Variants in CTH observed in about 807,000 individuals in gnomAD.
CTH encodes the protein cystathionine gamma-lyase.
CTH carries 41 observed loss-of-function variants against 50.6 expected under a neutral mutation model. The ratio of observed to expected loss-of-function variants is 0.81; its 90% CI spans 0.63 to 1.05. CTH has a LOEUF of 1.05. Ranked by LOEUF, CTH falls within the 50% of genes least tolerant of loss-of-function variation. CTH has a pLI of 0.00. For missense variants in CTH, 470 were observed against 492.6 expected, an observed-to-expected ratio of 0.95 and a Z score of 0.43; for synonymous variants, 156 against 168.9, an observed-to-expected ratio of 0.92 and a Z score of 0.59.
At chr1:70,431,940 T>C (rs1014262292) in intron 7 of CTH, 143 bp from the exon 8 acceptor site, 4 of 794,502 alleles carry the variant, frequency 5.0e-6, no homozygotes, top group Non-Finnish European at 8.5e-6. Context: ...TGCTTCTGAT[T>C]TGATATATTA....
intron 2 of CTH, 34 bp from the exon 3 acceptor site, chr1:70,417,903 T>C (rs748568235): frequency 6.2e-7 from 1 of 1,613,280 alleles, no homozygotes; most frequent in South Asian, 1.1e-5. Flanking sequence ...TAGGCCTGAC[T>C]TTTCAGCTTA....
At position 70,439,220 on chromosome 1, in the gene CTH, C is replaced by T. The variant is rs1035474171; in HGVS notation, c.*93C>T. 9.7e-6 allele frequency: 12 copies of T among 1,234,266 alleles called. No homozygotes were observed. The highest frequency in any genetic ancestry group is 3.7e-4 in the Middle Eastern group (2 of 5,390). 76.5% of individuals were successfully genotyped at this position (1,234,266 alleles called of 1,614,324 possible). On this transcript the variant is annotated 3_prime_UTR_variant, in exon 12 of 12. Coordinates refer to ENST00000370938, the MANE Select transcript of CTH (RefSeq NM_001902.6). The stretch of plus-strand genomic sequence containing the variant: ...CAACAATGAGCCTTTGCAAAATTTT[C>T]AAGCGGAAATTTTAAGGCACCTCAT...
intron 10 of CTH, among the ~76,000 whole-genome samples, chr1:70,437,576 C>T (rs1244864943): frequency 1.3e-5 from 2 of 151,986 alleles, no homozygotes; most frequent in Non-Finnish European, 2.9e-5. Flanking sequence ...AGATTCATAC[C>T]CAAGTTTGTT....
intron 4 of CTH, 44 bp downstream of exon 4, chr1:70,421,719 T>G (rs938072821): frequency 1.3e-6 from 2 of 1,580,558 alleles, no homozygotes; most frequent in African/African-American, 2.7e-5. Context: ...TCCTTCGATG[T>G]TTTGTTTTCA....
intron 2 of CTH, among the ~76,000 whole-genome samples, chr1:70,417,285 T>C (rs1684114403): frequency 6.6e-6 from 1 of 151,612 alleles, no homozygotes; most frequent in Non-Finnish European, 1.5e-5. Flanking sequence ...AAATTTCTCT[T>C]TTCTTTCTTT....
chr1:70,416,766 T>C (rs577613420), intron 2 of CTH, among the ~76,000 whole-genome samples: 6 of 151,792 alleles, frequency 4.0e-5, no homozygotes, highest in Non-Finnish European at 7.4e-5. Context: ...GGTTTCACCA[T>C]GTTGGCCAGG....
chr1:70,429,547 A>G (rs188433269), intron 5 of CTH, among the ~76,000 whole-genome samples: 12 of 152,350 alleles, frequency 7.9e-5, no homozygotes, highest in Admixed American at 3.9e-4. Context: ...ACCTGGGCTT[A>G]TCTGCGCTTT....
At chr1:70,416,851 C>T (rs1360466682) in intron 2 of CTH, among the ~76,000 whole-genome samples, 6 of 152,116 alleles carry the variant, frequency 3.9e-5, no homozygotes, top group African/African-American at 1.4e-4. Flanking sequence ...AGTGGGCCAC[C>T]ACGCCCAGCC....
chr1:70,412,705 CT>C (rs1299343325), intron 1 of CTH, among the ~76,000 whole-genome samples: 9 of 152,154 alleles, frequency 5.9e-5, no homozygotes, highest in African/African-American at 1.9e-4. Context: ...GTTAGTTAAC[CT>C]ATCAAAACCT....
At position 70,424,369 on chromosome 1, in the gene CTH, G is replaced by A. The variant is rs748301555; in HGVS notation, c.541G>A (p.Asp181Asn). The A allele has an allele frequency of 6.2e-6, 10 of 1,613,946 alleles. No individual in the cohort carries two copies. In the East Asian group the frequency reaches 2.0e-4, roughly 32 times the overall value. ...GCAHIVHKHG[D>N]IILVVDNTFM... The stretch of plus-strand genomic sequence containing the variant: ...TGCACATATTGTCCATAAGCATGGA[G>A]ACATTATTTTGGTCGTGGATAACAC... Residue 181 changes from aspartate (D) to asparagine (N), a missense_variant, in exon 5 of 12, where the codon GAC becomes AAC. Coordinates refer to ENST00000370938, the MANE Select transcript of CTH (RefSeq NM_001902.6).
intron 1 of CTH, 117 bp downstream of exon 1, chr1:70,411,700 A>T: frequency 2.0e-6 from 3 of 1,467,698 alleles, no homozygotes; most frequent in Non-Finnish European, 2.7e-6. Context: ...AAGGCAACCG[A>T]AAGATGTTTC....
chr1:70,421,389 T>C (rs1684218496), intron 3 of CTH, among the ~76,000 whole-genome samples, 177 bp from the exon 4 acceptor site: 1 of 152,108 alleles, frequency 6.6e-6, no homozygotes, highest in Non-Finnish European at 1.5e-5. Context: ...GAACAAACCT[T>C]ATTATTCTTT....
At position 70,411,580 on chromosome 1, in the gene CTH, C is replaced by T; in HGVS notation, c.165C>T (p.His55=). 1 of 1,613,722 alleles carries T rather than the reference C, an allele frequency of 6.2e-7. No homozygotes were observed. The highest frequency in any genetic ancestry group is 2.2e-5 in the East Asian group (1 of 44,864). Residue 55 remains histidine (H), a synonymous_variant, in exon 1 of 12, where the codon CAC becomes CAT. Coordinates refer to ENST00000370938, the MANE Select transcript of CTH (RefSeq NM_001902.6). Reference sequence around the variant, plus strand: ...TCAAGCAAGGGGCGCCTGGCCAGCACTCGGTGAGCTGGGTCTGTCTGGGGC... The same window carrying T: ...TCAAGCAAGGGGCGCCTGGCCAGCATTCGGTGAGCTGGGTCTGTCTGGGGC... The part of the protein sequence containing the change: ...TTFKQGAPGQ[H]SGFEYSRSGN...
In CTH at chr1:70,432,219, A is replaced by C. The variant is rs749721072; in HGVS notation, c.861A>C (p.Glu287Asp). 6.2e-7 allele frequency: 1 copy of C among 1,614,104 alleles called. No homozygotes were observed. The highest frequency in any genetic ancestry group is 8.5e-7 in the Non-Finnish European group (1 of 1,180,040). Reference sequence around the variant, plus strand: ...TCCTGGAATCTAATCCTTGGGTAGAAAAGGTTATTTATCCTGGTATGTTAA... The same window carrying C: ...TCCTGGAATCTAATCCTTGGGTAGACAAGGTTATTTATCCTGGTATGTTAA... ...AQFLESNPWV[E>D]KVIYPGLPSH... is the part of the protein sequence containing the mutation. The change falls in exon 8 of 12, where the codon GAA (glutamate) becomes GAC (aspartate). Residue 287 changes from glutamate to aspartate, a missense_variant. Glu to Asp is a conservative substitution (Grantham distance 45, BLOSUM62 2). Coordinates refer to ENST00000370938, the MANE Select transcript of CTH (RefSeq NM_001902.6).
intron 8 of CTH, 148 bp downstream of exon 8, chr1:70,432,383 T>C (rs1338500425): frequency 3.1e-6 from 3 of 953,120 alleles, no homozygotes; most frequent in Non-Finnish European, 4.8e-6. Flanking sequence ...TGTCAGGCTC[T>C]GTGGTGGGTC....
intron 5 of CTH, among the ~76,000 whole-genome samples, chr1:70,429,018 T>G (rs1251276535): frequency 6.6e-6 from 1 of 152,168 alleles, no homozygotes; most frequent in African/African-American, 2.4e-5. Context: ...ACTCCTGATC[T>G]CAAGTGATCC....
chr1:70,435,791 A>C (rs531088170), intron 10 of CTH, among the ~76,000 whole-genome samples: 46 of 152,282 alleles, frequency 3.0e-4, no homozygotes, highest in Admixed American at 2.7e-3. Flanking sequence ...AAGCAGTCTA[A>C]GATCATACAG....
chr1:70,435,107 A>G lies in CTH; in HGVS notation c.1000-18A>G. 1.2e-6 allele frequency: 2 copies of G among 1,607,386 alleles called. No individual in the cohort carries two copies. Among genetic ancestry groups the G allele is most frequent in the Non-Finnish European group, 1.7e-6 (2 of 1,176,072 alleles). ...TTATTTTACTAGAAAATCTAAATTCATGTTTTCTTTGCTATAGCTATTTAC... is the reference window on the plus strand; with the variant it reads ...TTATTTTACTAGAAAATCTAAATTCGTGTTTTCTTTGCTATAGCTATTTAC... On this transcript the variant is annotated intron_variant, in intron 9 of 11. Coordinates refer to ENST00000370938, the MANE Select transcript of CTH (RefSeq NM_001902.6).
intron 5 of CTH, among the ~76,000 whole-genome samples, chr1:70,428,478 T>C (rs193163474): frequency 2.0e-4 from 31 of 152,310 alleles, no homozygotes; most frequent in African/African-American, 7.5e-4. Flanking sequence ...TACACATGTA[T>C]TGAGCATCAC....
Sources: gnomAD v4.1 joint callset for allele counts (sites outside exome capture counted in the v4.1 genomes callset) on GRCh38, gnomAD v4.1.1 for gene constraint, MANE v1.5 for transcripts, NCBI Gene and HGNC (gene_info 2026-07-23, HGNC 2026-07-21) for gene names.